RBFOX3: variants seen among roughly 807,000 people sequenced by gnomAD.
The protein encoded by RBFOX3 is RNA binding fox-1 homolog 3.
A neutral mutation model predicts 48.7 loss-of-function variants in RBFOX3; 17 were observed. The observed-to-expected ratio is 0.35, with a 90% CI of 0.24 to 0.52. RBFOX3 has a LOEUF of 0.52. RBFOX3 is among the 20% of genes least tolerant of loss of function. The pLI is 0.94. For synonymous variants in RBFOX3, 212 were observed against 209.5 expected (o/e 1.01, Z -0.10); for missense variants, 382 against 497.5 (o/e 0.77, Z 2.21).
At chr17:79,207,005 C>A (rs976998367) in intron 4 of RBFOX3, among the ~76,000 whole-genome samples, 3 of 152,174 alleles carry the variant, frequency 2.0e-5, no homozygotes, top group Admixed American at 2.0e-4. Flanking sequence ...TCAAACTCTG[C>A]TTTGGGGAGA....
intron 1 of RBFOX3, among the ~76,000 whole-genome samples, chr17:79,588,490 A>G (rs2093320634): frequency 6.6e-6 from 1 of 152,150 alleles, no homozygotes; most frequent in Non-Finnish European, 1.5e-5. Context: ...TGACCAAGGT[A>G]CTGACCACCC....
At chr17:79,241,751 G>A (rs1039295889) in intron 3 of RBFOX3, among the ~76,000 whole-genome samples, 10 of 152,170 alleles carry the variant, frequency 6.6e-5, no homozygotes, top group Admixed American at 2.6e-4. Context: ...GTGGTCAGGC[G>A]CTGGTGAGGG....
At chr17:79,113,402 C>T (rs1187481604) in intron 5 of RBFOX3, among the ~76,000 whole-genome samples, 1 of 152,078 alleles carries the variant, frequency 6.6e-6, no homozygotes, top group South Asian at 2.1e-4. Flanking sequence ...GCAGCCCTGC[C>T]CTGGGTGCAG....
intron 2 of RBFOX3, among the ~76,000 whole-genome samples, chr17:79,360,799 T>G (rs75201135): frequency 2.0e-5 from 3 of 150,894 alleles, no homozygotes; most frequent in African/African-American, 7.3e-5. Flanking sequence ...AAATTTTAAT[T>G]GAGAAAAATT....
chr17:79,383,040 A>ACACACACACACACAC (rs2060126805), intron 2 of RBFOX3, among the ~76,000 whole-genome samples: 2 of 99,012 alleles, frequency 2.0e-5, no homozygotes, highest in African/African-American at 6.1e-5. Flanking sequence ...AAACACACAC[A>ACACACACACACACAC]CACACACACA....
At chr17:79,354,481 G>A (rs1381571225) in intron 2 of RBFOX3, among the ~76,000 whole-genome samples, 1 of 152,260 alleles carries the variant, frequency 6.6e-6, no homozygotes, top group African/African-American at 2.4e-5. Flanking sequence ...GGCATCTACA[G>A]ATACTCTCAG....
rs1204465859 is a variant in RBFOX3 at position 79,171,928 on chromosome 17, T to G, written c.-33-56180A>C. On this transcript the variant is annotated intron_variant, in intron 4 of 14. Transcript: ENST00000693108. ...GGCTCACGCCTGTGATCCCAGCACT[T>G]CAGGTGGCCAAGGCAGGTGGATCAC... Among the ~76,000 whole-genome samples the G allele has an allele frequency of 2.0e-5, 3 of 152,086 alleles. 1 individual carries two copies. The highest frequency in any genetic ancestry group is 7.2e-5 in the African/African-American group (3 of 41,412).
At chr17:79,123,544 T>C (rs887562687) in intron 4 of RBFOX3, among the ~76,000 whole-genome samples, 7 of 151,982 alleles carry the variant, frequency 4.6e-5, no homozygotes, top group South Asian at 2.1e-4. Context: ...TCCAGAGCAG[T>C]GTGTCACACA....
intron 2 of RBFOX3, among the ~76,000 whole-genome samples, chr17:79,429,026 A>C (rs2067930057): frequency 1.3e-5 from 2 of 150,602 alleles, no homozygotes; most frequent in Admixed American, 6.6e-5. Flanking sequence ...CCCCAGAGAG[A>C]CTCTTCCCCC....
intron 2 of RBFOX3, among the ~76,000 whole-genome samples, chr17:79,393,831 A>G (rs2148258385): frequency 6.7e-6 from 1 of 149,928 alleles, no homozygotes; most frequent in South Asian, 2.1e-4. Flanking sequence ...TGCACATCTG[A>G]GCTGGTCATC....
At chr17:79,548,688 A>T (rs986491037) in intron 1 of RBFOX3, among the ~76,000 whole-genome samples, 1 of 152,092 alleles carries the variant, frequency 6.6e-6, no homozygotes, top group Non-Finnish European at 1.5e-5. Flanking sequence ...GCCACAAGAC[A>T]CTCACTAAGT....
chr17:79,652,486 T>C, the RBFOX3 span, among the ~76,000 whole-genome samples: 2 of 129,036 alleles, frequency 1.5e-5, no homozygotes, highest in African/African-American at 6.2e-5. Flanking sequence ...GAGTGTGGGA[T>C]AGGTGCAGAA....
chr17:79,174,325 C>G (rs1395880401), intron 4 of RBFOX3, among the ~76,000 whole-genome samples: 1 of 146,822 alleles, frequency 6.8e-6, no homozygotes, highest in East Asian at 2.0e-4. Flanking sequence ...CACATGCACA[C>G]AGACACACGC....
chr17:79,464,851 C>T (rs985314502), intron 2 of RBFOX3, among the ~76,000 whole-genome samples: 2 of 152,314 alleles, frequency 1.3e-5, no homozygotes, highest in East Asian at 1.9e-4. Context: ...GCACAGTGCT[C>T]GCCCTGTTGT....
At position 79,479,902 on chromosome 17, in the gene RBFOX3, T is replaced by G. The variant is rs1179685432; in HGVS notation, c.-175+2552A>C. Among the ~76,000 whole-genome samples, 2 of 152,200 alleles carry G rather than the reference T, an allele frequency of 1.3e-5. No homozygotes were observed. The highest frequency in any genetic ancestry group is 2.1e-4 in the South Asian group (1 of 4,826). ...AGAGCTGCACGCATCTTCTTGGAAC[T>G]AGGCGTCTGAGGTTCCAGAGACAGA... On this transcript the variant is annotated intron_variant, in intron 2 of 14. Coordinates refer to ENST00000693108, the MANE Select transcript of RBFOX3 (RefSeq NM_001350451.2). This position sits in a 1 kb window ranked among gnomAD's most constrained non-coding sequence, Gnocchi z 5.1.
At chr17:79,096,632 T>TA in intron 12 of RBFOX3, 21 bp downstream of exon 12, 1 of 677,470 alleles carries the variant, frequency 1.5e-6, no homozygotes. Flanking sequence ...CCACCCTCCC[T>TA]CCCGGCGGGG....
At chr17:79,183,700 T>TGCGTGTGTGAGTGCGCGCGTGTGCGC in intron 4 of RBFOX3, among the ~76,000 whole-genome samples, 1 of 151,944 alleles carries the variant, frequency 6.6e-6, no homozygotes, top group South Asian at 2.1e-4. Flanking sequence ...GTGGTGCGTG[T>TGCGTGTGTGAGTGCGCGCGTGTGCGC]GCGTGTGTGA....
intron 4 of RBFOX3, among the ~76,000 whole-genome samples, chr17:79,121,253 T>C (rs2035665989): frequency 6.6e-6 from 1 of 152,124 alleles, no homozygotes; most frequent in Admixed American, 6.5e-5. Context: ...CACCATCATA[T>C]GCTCACATCT....
At chr17:79,130,967 C>T (rs1449057505) in intron 4 of RBFOX3, among the ~76,000 whole-genome samples, 1 of 152,206 alleles carries the variant, frequency 6.6e-6, no homozygotes, top group Non-Finnish European at 1.5e-5. Context: ...GCGTGCTCTG[C>T]GTGCCCTGCG....
Sources: gnomAD v4.1 joint callset for allele counts (sites outside exome capture counted in the v4.1 genomes callset) on GRCh38, gnomAD v4.1.1 for gene constraint, Gnocchi (gnomAD v3.1) non-coding constraint, MANE v1.5 for transcripts, NCBI Gene and HGNC (gene_info 2026-07-23, HGNC 2026-07-21) for gene names.